Variants in UVRAG observed in about 807,000 individuals in gnomAD.
UVRAG encodes UV radiation resistance-associated gene protein.
UVRAG carries 19 observed loss-of-function variants against 78.0 expected under a neutral mutation model. The ratio of observed to expected loss-of-function variants is 0.24; its 90% CI spans 0.17 to 0.36. The LOEUF (loss-of-function observed/expected upper bound fraction) is 0.36. Ranked by LOEUF, UVRAG falls within the 10% of genes least tolerant of loss-of-function variation. UVRAG has a pLI of 1.00. For synonymous variants in UVRAG, 323 were observed against 324.6 expected (o/e 1.00, Z 0.05); for missense variants, 740 against 853.8 (o/e 0.87, Z 1.66).
At chr11:75,834,594 C>T (rs1000786692) in intron 1 of UVRAG, among the ~76,000 whole-genome samples, 2 of 152,156 alleles carry the variant, frequency 1.3e-5, no homozygotes, top group African/African-American at 4.8e-5. Flanking sequence ...GCGGGTGGAT[C>T]ATGAGGTCAG....
intron 1 of UVRAG, among the ~76,000 whole-genome samples, chr11:75,827,348 A>G (rs1945537271): frequency 6.6e-6 from 1 of 152,216 alleles, no homozygotes; most frequent in African/African-American, 2.4e-5. Context: ...GCGGTGGCTC[A>G]TACCTGTAAT....
At chr11:75,916,085 G>T (rs547898603) in intron 6 of UVRAG, 13 of 152,090 alleles carry the variant, frequency 8.5e-5, no homozygotes, top group East Asian at 3.9e-4. Flanking sequence ...AATAATTCTG[G>T]TTTTTTTCTA....
At chr11:76,041,000 A>G (rs566110960) in intron 12 of UVRAG, among the ~76,000 whole-genome samples, 3 of 152,358 alleles carry the variant, frequency 2.0e-5, no homozygotes, top group Non-Finnish European at 4.4e-5. Context: ...CTGATTAACA[A>G]TTATATGAAA....
intron 13 of UVRAG, among the ~76,000 whole-genome samples, chr11:76,067,347 A>G (rs1565146300): frequency 6.6e-6 from 1 of 152,176 alleles, no homozygotes; most frequent in East Asian, 1.9e-4. Context: ...TTGGCAGACA[A>G]GTATTTCATT....
chr11:76,141,395 C>T lies in UVRAG; in HGVS notation c.2082C>T (p.Arg694=). 6.2e-7 allele frequency: 1 copy of T among 1,613,118 alleles called. No individual in the cohort carries two copies. The highest frequency in any genetic ancestry group is 1.7e-5 in the Admixed American group (1 of 60,012). Residue 694 remains arginine, a synonymous_variant, in exon 15 of 15, where the codon CGC becomes CGT. Transcript: ENST00000356136. ...NENVSSFRRP[R]RSSDK Reference sequence around the variant, plus strand: ...ACGTATCCAGCTTCCGCCGGCCGCGCAGGAGTTCCGATAAGTGAAGTGAGC... The same window carrying T: ...ACGTATCCAGCTTCCGCCGGCCGCGTAGGAGTTCCGATAAGTGAAGTGAGC...
chr11:76,086,511 C>A lies in UVRAG; in HGVS notation c.1305+20723C>A, dbSNP rs527341291. Among the ~76,000 whole-genome samples the A allele has an allele frequency of 3.2e-4, 48 of 152,212 alleles. No homozygotes were observed. The South Asian group carries it at 8.3e-3, about 26-fold the overall frequency. On this transcript the variant is annotated intron_variant, in intron 13 of 14. Coordinates refer to ENST00000356136, the MANE Select transcript of UVRAG (RefSeq NM_003369.4). ...GATTTGGTCTATTTTTTAATGTGTT[C>A]CCAGATCTTTGATGGCTTGTTAACA...
At chr11:75,947,281 C>T (rs561763048) in intron 6 of UVRAG, among the ~76,000 whole-genome samples, 1 of 152,252 alleles carries the variant, frequency 6.6e-6, no homozygotes, top group South Asian at 2.1e-4. Flanking sequence ...TATAGCCCCT[C>T]AATTCCTTCA....
chr11:76,114,184 A>G (rs1384256216), intron 13 of UVRAG, among the ~76,000 whole-genome samples: 1 of 152,098 alleles, frequency 6.6e-6, no homozygotes, highest in Non-Finnish European at 1.5e-5. Flanking sequence ...CAGGAACGTC[A>G]TGTTGGGATA....
intron 12 of UVRAG, 131 bp from the exon 13 acceptor site, chr11:76,065,579 A>G (rs2134381947): frequency 1.5e-6 from 1 of 681,718 alleles, no homozygotes; most frequent in East Asian, 2.5e-5. Flanking sequence ...GATTGCAATG[A>G]CTATAGCTAG....
intron 12 of UVRAG, among the ~76,000 whole-genome samples, chr11:76,019,564 C>T (rs1288155524): frequency 6.6e-6 from 1 of 152,216 alleles, no homozygotes; most frequent in East Asian, 1.9e-4. Flanking sequence ...ACACTAAGCT[C>T]AGTAACACTG....
At chr11:75,876,798 A>G (rs1294707858) in intron 3 of UVRAG, among the ~76,000 whole-genome samples, 1 of 150,400 alleles carries the variant, frequency 6.6e-6, no homozygotes, top group African/African-American at 2.5e-5. Flanking sequence ...TAATAGGTTG[A>G]TTTTGTTTAC....
intron 11 of UVRAG, among the ~76,000 whole-genome samples, chr11:76,009,366 A>T (rs1440268796): frequency 1.3e-5 from 2 of 152,202 alleles, no homozygotes; most frequent in African/African-American, 2.4e-5. Flanking sequence ...GAAAGAAATT[A>T]CATTAAAGGT....
chr11:75,962,619 C>T (rs529329360), intron 7 of UVRAG, among the ~76,000 whole-genome samples: 42 of 152,256 alleles, frequency 2.8e-4, no homozygotes, highest in South Asian at 2.7e-3. Flanking sequence ...AAACATCTTC[C>T]GTTTCAAAGG....
intron 6 of UVRAG, among the ~76,000 whole-genome samples, chr11:75,959,640 C>T (rs1031981414): frequency 2.0e-5 from 3 of 152,184 alleles, no homozygotes; most frequent in African/African-American, 7.2e-5. Context: ...TCTTATCATT[C>T]GTGTGTTCAC....
intron 6 of UVRAG, among the ~76,000 whole-genome samples, chr11:75,953,591 T>G (rs1229765195): frequency 6.6e-6 from 1 of 152,170 alleles, no homozygotes; most frequent in Non-Finnish European, 1.5e-5. Context: ...TGTCATATGA[T>G]CAATATTATC....
intron 12 of UVRAG, among the ~76,000 whole-genome samples, chr11:76,043,765 AT>A (rs1443647207): frequency 6.6e-6 from 1 of 152,214 alleles, no homozygotes; most frequent in Non-Finnish European, 1.5e-5. Flanking sequence ...CCCTCAAATT[AT>A]GACATACATA....
intron 7 of UVRAG, among the ~76,000 whole-genome samples, chr11:75,978,339 A>C (rs1949301039): frequency 6.6e-6 from 1 of 151,946 alleles, no homozygotes; most frequent in African/African-American, 2.4e-5. Context: ...TCTGACAATT[A>C]TGTGTCTTGG....
chr11:76,124,427 G>A (rs1043411493), intron 14 of UVRAG, among the ~76,000 whole-genome samples: 3 of 152,144 alleles, frequency 2.0e-5, no homozygotes, highest in African/African-American at 7.2e-5. Context: ...GTTCACTCTC[G>A]CTGTCATGTG....
chr11:76,064,130 A>T (rs1414486630), intron 12 of UVRAG, among the ~76,000 whole-genome samples: 1 of 152,232 alleles, frequency 6.6e-6, no homozygotes, highest in Non-Finnish European at 1.5e-5. Context: ...AGGAATGTTG[A>T]AGCTTGGTTT....
Sources: allele counts gnomAD v4.1 joint callset (sites outside exome capture counted in the v4.1 genomes callset), GRCh38; gene constraint gnomAD v4.1.1; transcripts MANE v1.5; gene names NCBI Gene and HGNC (gene_info 2026-07-23, HGNC 2026-07-21).